The following KHDRBS3 variants were observed in gnomAD, a reference collection of about 807,000 sequenced individuals.
KHDRBS3 encodes the protein KH domain-containing, RNA-binding, signal transduction-associated protein 3.
In KHDRBS3, 23 loss-of-function variants were observed where a neutral mutation model predicts 45.6. That is an observed-to-expected ratio of 0.50 (90% CI 0.36 to 0.72). The LOEUF is 0.72. KHDRBS3 is among the 30% of genes least tolerant of loss of function. KHDRBS3 has a pLI of 0.00. For missense variants in KHDRBS3, 352 were observed against 424.8 expected (o/e 0.83, Z 1.51); for synonymous variants, 162 against 156.5 (o/e 1.04, Z -0.26).
intron 6 of KHDRBS3, among the ~76,000 whole-genome samples, chr8:135,584,481 C>T (rs1328785505): frequency 2.0e-5 from 3 of 152,178 alleles, no homozygotes; most frequent in Non-Finnish European, 2.9e-5. Flanking sequence ...TATAGCTTTC[C>T]CACTTAATTT....
chr8:135,526,439 T>C (rs1247786878), intron 2 of KHDRBS3, among the ~76,000 whole-genome samples: 1 of 152,202 alleles, frequency 6.6e-6, no homozygotes, highest in Non-Finnish European at 1.5e-5. Context: ...TAGAAGTTAC[T>C]GCTTTCAGGA....
intron 1 of KHDRBS3, among the ~76,000 whole-genome samples, chr8:135,469,617 C>T (rs1389574256): frequency 6.6e-6 from 1 of 151,420 alleles, no homozygotes; most frequent in African/African-American, 2.4e-5. Flanking sequence ...AAACGTCTGC[C>T]TCCCAGGTTC....
intron 1 of KHDRBS3, among the ~76,000 whole-genome samples, chr8:135,515,659 C>G (rs1413840276): frequency 6.6e-6 from 1 of 152,070 alleles, no homozygotes; most frequent in African/African-American, 2.4e-5. Context: ...TGTATATTTG[C>G]TTTGGCCCTT....
intron 1 of KHDRBS3, among the ~76,000 whole-genome samples, chr8:135,497,569 G>A (rs1048130943): frequency 6.6e-6 from 1 of 152,126 alleles, no homozygotes; most frequent in Non-Finnish European, 1.5e-5. Context: ...TCTTGGGCGT[G>A]AAGGGGGAGT....
At chr8:135,482,734 A>C (rs1360284310) in intron 1 of KHDRBS3, among the ~76,000 whole-genome samples, 1 of 152,160 alleles carries the variant, frequency 6.6e-6, no homozygotes, top group Non-Finnish European at 1.5e-5. Context: ...CTCTGCAGCT[A>C]TTAGCTGTGA....
At chr8:135,458,454 A>C (rs1563691266) in intron 1 of KHDRBS3, 2 of 224,950 alleles carry the variant, frequency 8.9e-6, no homozygotes, top group Non-Finnish European at 1.8e-5. Flanking sequence ...GGACCTTGGA[A>C]GAGGGTTGGG....
At chr8:135,646,739 G>T (rs2131208017) in intron 8 of KHDRBS3, among the ~76,000 whole-genome samples, 1 of 152,342 alleles carries the variant, frequency 6.6e-6, no homozygotes, top group East Asian at 1.9e-4. Context: ...TCCTTGCGAA[G>T]TTGGTTACCA....
intron 1 of KHDRBS3, among the ~76,000 whole-genome samples, chr8:135,463,966 G>A (rs1821566702): frequency 6.6e-6 from 1 of 152,166 alleles, no homozygotes; most frequent in Non-Finnish European, 1.5e-5. Context: ...ATCCCCGCAA[G>A]ATCTTGCAAG....
In KHDRBS3 at chr8:135,498,988, AT is replaced by A. The variant is rs34467096; in HGVS notation, c.89-22245del. On this transcript the variant is annotated intron_variant, in intron 1 of 8. Transcript: ENST00000355849. ...GATCCATTTTAGAGTGGTTTTGCTTATTTTATATACTCTTAGAATTTACTGA... is the reference window on the plus strand; with the variant it reads ...GATCCATTTTAGAGTGGTTTTGCTTATTTATATACTCTTAGAATTTACTGA... 4.6e-3 allele frequency among the ~76,000 whole-genome samples: 697 copies of A among 152,290 alleles called. 4 individuals are homozygous for A. Among genetic ancestry groups the A allele is most frequent in the African/African-American group, 0.016 (682 of 41,564 alleles).
chr8:135,605,273 T>G (rs148971660), intron 6 of KHDRBS3, among the ~76,000 whole-genome samples: 1 of 152,176 alleles, frequency 6.6e-6, no homozygotes, highest in East Asian at 1.9e-4. Flanking sequence ...TGCTCATGTA[T>G]TTTCATACAT....
chr8:135,465,002 C>G (rs1001508848), intron 1 of KHDRBS3, among the ~76,000 whole-genome samples: 3 of 152,152 alleles, frequency 2.0e-5, no homozygotes, highest in African/African-American at 4.8e-5. Flanking sequence ...TAGTATTGGA[C>G]TGGGTGAGCA....
rs34118572 is a variant in KHDRBS3 at position 135,647,245 on chromosome 8, G to GAAAA, written c.*173_*176dup. ...CTTTGTTGAAACATCAACCTGGGCAGAAAAAAAAAAAAAAAGACATGTAAA... is the reference window on the plus strand; with the variant it reads ...CTTTGTTGAAACATCAACCTGGGCAGAAAAAAAAAAAAAAAAAAAGACATGTAAA... On this transcript the variant is annotated 3_prime_UTR_variant, in exon 9 of 9. Transcript: ENST00000355849. The GAAAA allele has an allele frequency of 2.5e-4, 48 of 194,124 alleles. No homozygotes were observed. Among genetic ancestry groups the GAAAA allele is most frequent in the Middle Eastern group, 1.7e-3 (1 of 590 alleles). The allele number at this position is 194,124 out of a possible 1,614,324, so 12.0% of individuals were successfully genotyped here.
intron 5 of KHDRBS3, among the ~76,000 whole-genome samples, chr8:135,575,133 T>G (rs1827891399): frequency 6.6e-6 from 1 of 152,234 alleles, no homozygotes; most frequent in Non-Finnish European, 1.5e-5. Flanking sequence ...TAATTTACAA[T>G]AGTCATTAAA....
chr8:135,569,758 G>T (rs894365935), intron 5 of KHDRBS3, among the ~76,000 whole-genome samples: 1 of 152,102 alleles, frequency 6.6e-6, no homozygotes, highest in Non-Finnish European at 1.5e-5. Flanking sequence ...AGTCACCCAG[G>T]GCAGGTTCTG....
At chr8:135,581,068 A>G (rs1277238033) in intron 5 of KHDRBS3, among the ~76,000 whole-genome samples, 1 of 152,184 alleles carries the variant, frequency 6.6e-6, no homozygotes, top group South Asian at 2.1e-4. Flanking sequence ...CGTATTTGCT[A>G]TCCCAGACAC....
intron 3 of KHDRBS3, among the ~76,000 whole-genome samples, chr8:135,547,158 C>T (rs1251701991): frequency 1.3e-5 from 2 of 151,890 alleles, no homozygotes; most frequent in Non-Finnish European, 2.9e-5. Context: ...GAAGAGTTGG[C>T]GTAAGATAAT....
At chr8:135,491,193 T>G (rs1823131666) in intron 1 of KHDRBS3, among the ~76,000 whole-genome samples, 1 of 152,192 alleles carries the variant, frequency 6.6e-6, no homozygotes. Context: ...TGGGTTTTTT[T>G]GTATGTGTTT....
At chr8:135,573,668 G>A (rs1827813890) in intron 5 of KHDRBS3, among the ~76,000 whole-genome samples, 1 of 152,142 alleles carries the variant, frequency 6.6e-6, no homozygotes, top group Non-Finnish European at 1.5e-5. Flanking sequence ...TTAAAAGTTT[G>A]TATTAGTCTG....
intron 3 of KHDRBS3, among the ~76,000 whole-genome samples, chr8:135,544,056 A>G (rs542806483): frequency 1.3e-5 from 2 of 152,284 alleles, no homozygotes; most frequent in South Asian, 2.1e-4. Context: ...GAAAATGAAA[A>G]CATATATTTG....
Sources: gnomAD v4.1 joint callset for allele counts (sites outside exome capture counted in the v4.1 genomes callset) on GRCh38, gnomAD v4.1.1 for gene constraint, MANE v1.5 for transcripts, NCBI Gene and HGNC (gene_info 2026-07-23, HGNC 2026-07-21) for gene names.